Variants in ANO2 observed in about 807,000 individuals in gnomAD.
The protein encoded by ANO2 is anoctamin 2.
ANO2 carries 101 observed loss-of-function variants against 124.2 expected under a neutral mutation model. The observed-to-expected ratio is 0.81, with a 90% CI of 0.69 to 0.96. The LOEUF is 0.96. Ranked by LOEUF, ANO2 falls within the 40% of genes least tolerant of loss-of-function variation. The probability of loss-of-function intolerance (pLI) is 0.00; values close to 1 mark genes in which losing one functional copy is unlikely to be tolerated. For missense variants in ANO2, 1,293 were observed against 1,274.5 expected, an observed-to-expected ratio of 1.01 and a Z score of -0.22; for synonymous variants, 486 against 482.5, an observed-to-expected ratio of 1.01 and a Z score of -0.09.
At chr12:5,659,458 C>T (rs1028285111) in intron 14 of ANO2, among the ~76,000 whole-genome samples, 5 of 152,130 alleles carry the variant, frequency 3.3e-5, no homozygotes, top group African/African-American at 7.2e-5. Context: ...GACTGACCCT[C>T]GAAGCCTTCC....
At chr12:5,898,980 A>G (rs551678955) in intron 3 of ANO2, among the ~76,000 whole-genome samples, 2 of 152,322 alleles carry the variant, frequency 1.3e-5, no homozygotes, top group African/African-American at 4.8e-5. Context: ...GGGTTTAGAA[A>G]GAGGAGTTTC....
chr12:5,820,041 T>C (rs1953734492), intron 7 of ANO2, among the ~76,000 whole-genome samples: 1 of 152,202 alleles, frequency 6.6e-6, no homozygotes, highest in East Asian at 1.9e-4. Context: ...AGAAAACTTC[T>C]AGGTCAAATG....
At chr12:5,822,560 C>A (rs1359455546) in intron 7 of ANO2, among the ~76,000 whole-genome samples, 2 of 152,224 alleles carry the variant, frequency 1.3e-5, no homozygotes, top group East Asian at 1.9e-4. Flanking sequence ...CCACTGCTGA[C>A]TTCCCAATTT....
intron 3 of ANO2, among the ~76,000 whole-genome samples, chr12:5,892,156 A>C (rs1329681490): frequency 6.6e-6 from 1 of 152,206 alleles, no homozygotes; most frequent in Non-Finnish European, 1.5e-5. Context: ...TCACTGAATG[A>C]ACTCAATAAC....
rs1399468276 is a variant in ANO2, at chr12:5,739,386, C to T, written c.1365G>A (p.Leu455=). The T allele has an allele frequency of 6.2e-7, 1 of 1,603,290 alleles. No homozygotes were observed. Among genetic ancestry groups the T allele is most frequent in the Non-Finnish European group, 8.5e-7 (1 of 1,174,870 alleles). ...IFMALWATMF[L]ENWKRLQMRL... is the part of the protein sequence containing the mutation. ...GCATCTGTAGCCTCTTCCAGTTTTC[C>T]AGGAACATGGTAGCTTAAAAAGAAC... The change falls in exon 13 of 25, where the codon CTG becomes CTA. Residue 455 remains leucine (L), a synonymous_variant. Transcript: ENST00000682330.
At chr12:5,945,602 T>C (rs755906695), upstream of ANO2, among the ~76,000 whole-genome samples, 98 of 152,364 alleles carry the variant, frequency 6.4e-4, no homozygotes, top group African/African-American at 1.2e-3. Context: ...TCATGAACTG[T>C]CTGGCTGATT....
intron 14 of ANO2, among the ~76,000 whole-genome samples, chr12:5,660,957 C>G (rs1053027794): frequency 6.6e-6 from 1 of 152,092 alleles, no homozygotes; most frequent in Non-Finnish European, 1.5e-5. Context: ...TGAGGAAAAC[C>G]GAAGGAAAAA....
At chr12:5,786,028 G>C (rs1591614970) in intron 10 of ANO2, among the ~76,000 whole-genome samples, 1 of 151,560 alleles carries the variant, frequency 6.6e-6, no homozygotes. Flanking sequence ...TGTTCAGGAA[G>C]GGGGAGAGGC....
chr12:5,628,870 C>G (rs896943912), intron 16 of ANO2, among the ~76,000 whole-genome samples: 6 of 152,116 alleles, frequency 3.9e-5, no homozygotes, highest in Non-Finnish European at 7.4e-5. Context: ...AAGAAATGAC[C>G]CATTCCCAGT....
rs955514676 is a variant in ANO2, at chr12:5,787,393, G to A, written c.1055+12114C>T. 5.3e-5 allele frequency among the ~76,000 whole-genome samples: 8 copies of A among 152,078 alleles called. No individual in the cohort carries two copies. The highest frequency in any genetic ancestry group is 1.2e-4 in the African/African-American group (5 of 41,416). On this transcript the variant is annotated intron_variant, in intron 10 of 24. Transcript: ENST00000682330. The surrounding 1 kb of genome is among the most constrained non-coding windows in gnomAD (Gnocchi z 4.2). ...GACCTGGCTCCCCACAAGCATCTCCGCTACAGAGCTGAAGCTCCAGCATCC... is the reference window on the plus strand; with the variant it reads ...GACCTGGCTCCCCACAAGCATCTCCACTACAGAGCTGAAGCTCCAGCATCC...
intron 14 of ANO2, among the ~76,000 whole-genome samples, chr12:5,654,276 T>C (rs1041162100): frequency 6.6e-6 from 1 of 152,226 alleles, no homozygotes; most frequent in African/African-American, 2.4e-5. Context: ...GCCTCTGATA[T>C]TTCTGTTCAG....
chr12:5,831,702 T>C (rs1485689085), intron 5 of ANO2, among the ~76,000 whole-genome samples: 9 of 152,208 alleles, frequency 5.9e-5, no homozygotes, highest in Non-Finnish European at 1.0e-4. Context: ...TGGTCTCTTA[T>C]GGACAGCAGA....
At chr12:5,827,932 G>A in intron 6 of ANO2, 112 bp from the exon 7 acceptor site, 2 of 1,199,756 alleles carry the variant, frequency 1.7e-6, no homozygotes, top group Non-Finnish European at 2.3e-6. Context: ...CTCATTTGGA[G>A]CCAGGACGAA....
At chr12:5,834,720 C>T (rs1308874241) in intron 4 of ANO2, among the ~76,000 whole-genome samples, 2 of 152,184 alleles carry the variant, frequency 1.3e-5, no homozygotes, top group Non-Finnish European at 2.9e-5. Flanking sequence ...GGTAAACGAA[C>T]AAGCTTAAAA....
chr12:5,830,310 G>T, intron 6 of ANO2, 125 bp downstream of exon 6: 1 of 953,078 alleles, frequency 1.0e-6, no homozygotes, highest in Non-Finnish European at 1.6e-6. Flanking sequence ...ACTCTTCTCT[G>T]TTGCTAGGCA....
chr12:5,940,402 C>G (rs12367467), intron 1 of ANO2, among the ~76,000 whole-genome samples: 13,846 of 152,154 alleles, frequency 0.091, 674 homozygotes, highest in Middle Eastern at 0.12. Flanking sequence ...TTTTAGAAGT[C>G]GAAGAGCCAC....
intron 10 of ANO2, among the ~76,000 whole-genome samples, chr12:5,789,341 A>G (rs1185816063): frequency 1.3e-5 from 2 of 152,244 alleles, no homozygotes; most frequent in Admixed American, 1.3e-4. Flanking sequence ...ACAGCTGGAA[A>G]TCATACCATT....
At chr12:5,640,770 T>C (rs890779626) in intron 15 of ANO2, among the ~76,000 whole-genome samples, 4 of 152,212 alleles carry the variant, frequency 2.6e-5, no homozygotes, top group Non-Finnish European at 5.9e-5. Context: ...TTTTACACTG[T>C]TGGTGGGAGC....
intron 4 of ANO2, among the ~76,000 whole-genome samples, chr12:5,846,063 T>A (rs1445104453): frequency 6.6e-6 from 1 of 152,252 alleles, no homozygotes; most frequent in Non-Finnish European, 1.5e-5. Context: ...ATGTAAGAAT[T>A]ATGAAATATG....
Sources: allele counts gnomAD v4.1 joint callset (sites outside exome capture counted in the v4.1 genomes callset), GRCh38; gene constraint gnomAD v4.1.1; non-coding constraint Gnocchi (gnomAD v3.1); transcripts MANE v1.5; gene names NCBI Gene and HGNC (gene_info 2026-07-23, HGNC 2026-07-21).